The following EFCAB5 variants were observed in gnomAD, a reference collection of about 807,000 sequenced individuals.
The protein encoded by EFCAB5 is EF-hand calcium-binding domain-containing protein 5.
In EFCAB5, 131 loss-of-function variants were observed where a neutral mutation model predicts 167.9. The observed-to-expected ratio is 0.78, with a 90% CI of 0.68 to 0.90. The LOEUF (loss-of-function observed/expected upper bound fraction) is 0.90, where lower values mean the gene tolerates loss of function less well. Ranked by LOEUF, EFCAB5 falls within the 40% of genes least tolerant of loss-of-function variation. The probability of loss-of-function intolerance (pLI) is 0.00; values close to 1 mark genes in which losing one functional copy is unlikely to be tolerated. For missense variants in EFCAB5, 1,663 were observed against 1,745.2 expected, an observed-to-expected ratio of 0.95 and a Z score of 0.84; for synonymous variants, 574 against 602.8, an observed-to-expected ratio of 0.95 and a Z score of 0.70.
chr17:29,971,130 T>C (rs1223133686), intron 4 of EFCAB5, among the ~76,000 whole-genome samples: 2 of 152,098 alleles, frequency 1.3e-5, no homozygotes, highest in Non-Finnish European at 2.9e-5. Context: ...GATTCATTAC[T>C]AGTTATTTTT....
intron 3 of EFCAB5, among the ~76,000 whole-genome samples, chr17:29,961,270 T>G (rs1307904790): frequency 1.3e-5 from 2 of 152,220 alleles, no homozygotes; most frequent in East Asian, 3.8e-4. Flanking sequence ...TTAGGAGAAA[T>G]GTCTGTTCAA....
At chr17:30,041,773 C>A (rs1393060790) in intron 8 of EFCAB5, among the ~76,000 whole-genome samples, 4 of 152,186 alleles carry the variant, frequency 2.6e-5, no homozygotes, top group Non-Finnish European at 1.5e-5. Flanking sequence ...ACAGCACACA[C>A]CCACCTTCAG....
intron 7 of EFCAB5, among the ~76,000 whole-genome samples, chr17:30,017,797 T>C (rs1323843586): frequency 6.6e-6 from 1 of 152,158 alleles, no homozygotes; most frequent in African/African-American, 2.4e-5. Context: ...CCAGTTTTAG[T>C]TATTTTATAA....
At chr17:29,988,909 G>A (rs915879331) in intron 4 of EFCAB5, among the ~76,000 whole-genome samples, 23 of 152,284 alleles carry the variant, frequency 1.5e-4, no homozygotes, top group African/African-American at 5.1e-4. Context: ...CAAATCTAGA[G>A]TCTTCTCTGG....
At chr17:30,014,455 A>G (rs1170329316) in intron 7 of EFCAB5, among the ~76,000 whole-genome samples, 1 of 152,112 alleles carries the variant, frequency 6.6e-6, no homozygotes, top group Non-Finnish European at 1.5e-5. Flanking sequence ...TTAGGTCTCT[A>G]AGGACTTGCT....
At position 30,051,318 on chromosome 17, in the gene EFCAB5, C is replaced by T. The variant is rs1003849980; in HGVS notation, c.1300+101C>T. On this transcript the variant is annotated intron_variant, in intron 9 of 22. Transcript: ENST00000394835. ...ATATGTTAACACAAGATTATTCTAC[C>T]ACCATGGAATCCCTTCACATAATAG... 2.1e-5 allele frequency: 20 copies of T among 952,088 alleles called. No individual in the cohort carries two copies. The African/African-American group carries it at 3.1e-4, about 15-fold the overall frequency. The allele number at this position is 952,088 out of a possible 1,614,324, so 59.0% of individuals were successfully genotyped here. A position where few individuals can be genotyped will look rare whatever the true frequency, so the allele number is the denominator to read the frequency against.
chr17:30,064,747 G>A (rs1015381231), intron 14 of EFCAB5, among the ~76,000 whole-genome samples: 5 of 152,118 alleles, frequency 3.3e-5, no homozygotes, highest in Admixed American at 2.6e-4. Flanking sequence ...CAAAGACAAA[G>A]AGAGAACTCT....
intron 3 of EFCAB5, among the ~76,000 whole-genome samples, chr17:29,967,809 T>C (rs2067862768): frequency 6.6e-6 from 1 of 151,920 alleles, no homozygotes; most frequent in Non-Finnish European, 1.5e-5. Context: ...TAAAGGAAGC[T>C]GGGAATAAAA....
chr17:30,077,827 G>GTGAT (rs1375588674), intron 14 of EFCAB5, among the ~76,000 whole-genome samples: 15 of 152,218 alleles, frequency 9.9e-5, no homozygotes, highest in Non-Finnish European at 1.2e-4. Context: ...CAATTACAAA[G>GTGAT]TGATAAACGC....
Position 30,090,685 on chromosome 17 carries a change from T to A in EFCAB5, c.3937+11T>A. On this transcript the variant is annotated intron_variant, in intron 20 of 22. Transcript: ENST00000394835. Reference sequence around the variant, plus strand: ...AAAAATATATCTTAGGTATCGTTCATGTGGCATCAGTCTAAATTCACAGGT... The same window carrying A: ...AAAAATATATCTTAGGTATCGTTCAAGTGGCATCAGTCTAAATTCACAGGT... The A allele has an allele frequency of 6.2e-7, 1 of 1,605,126 alleles. No individual in the cohort carries two copies. Among genetic ancestry groups the A allele is most frequent in the Non-Finnish European group, 8.5e-7 (1 of 1,176,446 alleles).
chr17:30,042,806 T>G (rs1229642724), intron 8 of EFCAB5, among the ~76,000 whole-genome samples: 1 of 152,166 alleles, frequency 6.6e-6, no homozygotes, highest in African/African-American at 2.4e-5. Flanking sequence ...CAGCATTATT[T>G]TGATATTAAA....
intron 12 of EFCAB5, among the ~76,000 whole-genome samples, chr17:30,056,796 C>G (rs1053085613): frequency 1.3e-5 from 2 of 152,226 alleles, no homozygotes; most frequent in Non-Finnish European, 2.9e-5. Flanking sequence ...AAATAACAAA[C>G]TTTCTATCCT....
intron 3 of EFCAB5, among the ~76,000 whole-genome samples, chr17:29,944,823 A>G (rs765024379): frequency 7.9e-5 from 12 of 151,910 alleles, no homozygotes; most frequent in Non-Finnish European, 1.3e-4. Flanking sequence ...GGGTTTCCCA[A>G]TGTTGGCCAG....
chr17:30,094,140 T>C (rs1403476023), intron 22 of EFCAB5, among the ~76,000 whole-genome samples: 1 of 152,144 alleles, frequency 6.6e-6, no homozygotes, highest in Non-Finnish European at 1.5e-5. Flanking sequence ...ACTATTATTT[T>C]ACCAAAAGGG....
chr17:30,023,857 G>T (rs140551707), intron 7 of EFCAB5, among the ~76,000 whole-genome samples: 1 of 152,068 alleles, frequency 6.6e-6, no homozygotes, highest in Non-Finnish European at 1.5e-5. Context: ...TTTATCTCTG[G>T]GATGCAAGGC....
intron 7 of EFCAB5, among the ~76,000 whole-genome samples, chr17:30,029,979 A>C (rs2069435578): frequency 6.6e-6 from 1 of 152,210 alleles, no homozygotes; most frequent in Non-Finnish European, 1.5e-5. Flanking sequence ...AGATAACTTG[A>C]CTAAGTACAG....
intron 14 of EFCAB5, chr17:30,069,169 A>T: frequency 1.3e-6 from 2 of 1,546,084 alleles, no homozygotes; most frequent in South Asian, 2.2e-5. Context: ...AAGAGAATCC[A>T]CATCTTCTGA....
chr17:30,106,468 A>AT (rs1165371780), intron 22 of EFCAB5, among the ~76,000 whole-genome samples: 1 of 151,616 alleles, frequency 6.6e-6, no homozygotes, highest in East Asian at 1.9e-4. Context: ...TATTATTATT[A>AT]TTTTTTGAAA....
upstream of EFCAB5, among the ~76,000 whole-genome samples, chr17:29,938,657 T>G (rs1463208630): frequency 1.3e-5 from 2 of 152,262 alleles, no homozygotes; most frequent in Non-Finnish European, 2.9e-5. Flanking sequence ...ATGTTCACAG[T>G]GTCTTCACCA....
Sources: gnomAD v4.1 joint callset for allele counts (sites outside exome capture counted in the v4.1 genomes callset) on GRCh38, gnomAD v4.1.1 for gene constraint, MANE v1.5 for transcripts, NCBI Gene and HGNC (gene_info 2026-07-23, HGNC 2026-07-21) for gene names.